PDE3B: variants seen among roughly 807,000 people sequenced by gnomAD.
PDE3B encodes phosphodiesterase 3B, also known as cGMP-inhibited 3',5'-cyclic phosphodiesterase 3B.
In PDE3B, 66 loss-of-function variants were observed where a neutral mutation model predicts 116.8. That is an observed-to-expected ratio of 0.56 (90% CI 0.46 to 0.69). PDE3B has a LOEUF of 0.69. Ranked by LOEUF, PDE3B falls within the 30% of genes least tolerant of loss-of-function variation. The pLI, the probability that PDE3B is intolerant of heterozygous loss-of-function variation, is 0.00. For synonymous variants in PDE3B, 595 were observed against 533.6 expected, an observed-to-expected ratio of 1.12 and a Z score of -1.59; for missense variants, 1,384 against 1,368.1, an observed-to-expected ratio of 1.01 and a Z score of -0.18.
intron 1 of PDE3B, among the ~76,000 whole-genome samples, chr11:14,695,516 ATTATT>A (rs1431269315): frequency 1.3e-5 from 2 of 152,036 alleles, no homozygotes; most frequent in African/African-American, 4.8e-5. Context: ...TTTTAAAATA[ATTATT>A]TTATTTTTTT....
At chr11:14,732,598 T>C (rs775286300) in intron 1 of PDE3B, among the ~76,000 whole-genome samples, 1 of 152,228 alleles carries the variant, frequency 6.6e-6, no homozygotes, top group Admixed American at 6.5e-5. Flanking sequence ...CTTACTAGGA[T>C]GGATCATCTG....
rs542319326 is a variant in PDE3B, at chr11:14,749,599, A to G, written c.979-22338A>G. Among the ~76,000 whole-genome samples, 432 of 151,940 alleles carry G rather than the reference A, an allele frequency of 2.8e-3. 3 individuals are homozygous for G. Among genetic ancestry groups the G allele is most frequent in the Non-Finnish European group, 4.4e-3 (301 of 67,966 alleles). ...CTTTTATGACTCCACAATCTCTCTT[A>G]CCATTCCTGAAGTTTCTTCTCTAAA... On this transcript the variant is annotated intron_variant, in intron 1 of 15. Coordinates refer to ENST00000282096, the MANE Select transcript of PDE3B (RefSeq NM_000922.4).
intron 1 of PDE3B, among the ~76,000 whole-genome samples, chr11:14,743,175 C>T (rs536023939): frequency 6.6e-6 from 1 of 152,276 alleles, no homozygotes; most frequent in African/African-American, 2.4e-5. Context: ...GCTGCCCCTT[C>T]CCCCAGGTGG....
At chr11:14,659,356 T>C (rs1485929751) in intron 1 of PDE3B, among the ~76,000 whole-genome samples, 5 of 152,216 alleles carry the variant, frequency 3.3e-5, no homozygotes, top group Non-Finnish European at 7.3e-5. Context: ...CAAGTGTTGA[T>C]AGAACATTTT....
chr11:14,875,273 A>G (rs1187083165), downstream of PDE3B, among the ~76,000 whole-genome samples: 2 of 152,102 alleles, frequency 1.3e-5, no homozygotes, highest in Non-Finnish European at 2.9e-5. Flanking sequence ...TCGTCTATGC[A>G]TGATTTTATT....
At chr11:14,665,233 G>A (rs1429735069) in intron 1 of PDE3B, among the ~76,000 whole-genome samples, 1 of 152,060 alleles carries the variant, frequency 6.6e-6, no homozygotes, top group African/African-American at 2.4e-5. Context: ...CATGCTAAAA[G>A]CTCTCAATAA....
chr11:14,760,143 C>A (rs1857315717), intron 1 of PDE3B, among the ~76,000 whole-genome samples: 1 of 152,082 alleles, frequency 6.6e-6, no homozygotes, highest in South Asian at 2.1e-4. Flanking sequence ...TAAGTCTGGG[C>A]AAGTTGCTTA....
At chr11:14,671,073 C>T (rs1409974326) in intron 1 of PDE3B, among the ~76,000 whole-genome samples, 1 of 152,004 alleles carries the variant, frequency 6.6e-6, no homozygotes, top group African/African-American at 2.4e-5. Context: ...GTGATTAGTA[C>T]AGTGAACAAG....
intron 10 of PDE3B, among the ~76,000 whole-genome samples, chr11:14,833,075 G>A (rs1049727583): frequency 2.6e-5 from 4 of 151,398 alleles, no homozygotes; most frequent in Admixed American, 2.0e-4. Context: ...CTTGGCCCTC[G>A]CAGGTAGCTG....
intron 7 of PDE3B, among the ~76,000 whole-genome samples, chr11:14,828,767 C>T (rs1002721461): frequency 6.6e-6 from 1 of 152,068 alleles, no homozygotes; most frequent in African/African-American, 2.4e-5. Flanking sequence ...CCTCAAAGAC[C>T]TAAAAATAGA....
rs1416703803 is a variant in PDE3B, at chr11:14,644,029, G to A, written c.-47G>A. 2.8e-6 allele frequency: 4 copies of A among 1,409,766 alleles called. No homozygotes were observed. The highest frequency in any genetic ancestry group is 3.7e-6 in the Non-Finnish European group (4 of 1,091,996). The allele number at this position is 1,409,766 out of a possible 1,614,324, so 87.3% of individuals were successfully genotyped here. A position where few individuals can be genotyped will look rare whatever the true frequency, so the allele number is the denominator to read the frequency against. Reference sequence around the variant, plus strand: ...TCTGGGAGCGCGAGCGGCCGCTACGGTACGAGCGGGGTGTGCTGAGTCCCG... The same window carrying A: ...TCTGGGAGCGCGAGCGGCCGCTACGATACGAGCGGGGTGTGCTGAGTCCCG... On this transcript the variant is annotated 5_prime_UTR_variant, in exon 1 of 16. Coordinates refer to ENST00000282096, the MANE Select transcript of PDE3B (RefSeq NM_000922.4).
intron 1 of PDE3B, among the ~76,000 whole-genome samples, chr11:14,722,416 A>T (rs565102217): frequency 1.3e-5 from 2 of 152,196 alleles, no homozygotes; most frequent in Non-Finnish European, 2.9e-5. Context: ...AATCCAATAA[A>T]AAAATAACAT....
chr11:14,647,056 T>C, intron 1 of PDE3B, among the ~76,000 whole-genome samples: 1 of 152,048 alleles, frequency 6.6e-6, no homozygotes. Context: ...CAAGAATGTT[T>C]ATTTATGCTT....
chr11:14,654,891 G>C (rs75576558), intron 1 of PDE3B, among the ~76,000 whole-genome samples: 2 of 150,814 alleles, frequency 1.3e-5, no homozygotes, highest in African/African-American at 4.9e-5. Context: ...AACAAATAGA[G>C]GTGACAAAAG....
chr11:14,736,824 AG>A (rs1180228113), intron 1 of PDE3B, among the ~76,000 whole-genome samples: 1 of 152,180 alleles, frequency 6.6e-6, no homozygotes, highest in African/African-American at 2.4e-5. Flanking sequence ...AAAAGATTAA[AG>A]GGGTGGGTTT....
chr11:14,808,321 G>A (rs893423643), intron 5 of PDE3B, among the ~76,000 whole-genome samples: 1 of 152,096 alleles, frequency 6.6e-6, no homozygotes. Context: ...GGTGTTGGAG[G>A]GATCTGATAT....
chr11:14,646,894 A>G (rs1853424004), intron 1 of PDE3B, among the ~76,000 whole-genome samples: 1 of 152,066 alleles, frequency 6.6e-6, no homozygotes, highest in Non-Finnish European at 1.5e-5. Context: ...CCTTATTCAC[A>G]TTCTACTTCT....
chr11:14,750,693 T>G (rs1857037681), intron 1 of PDE3B, among the ~76,000 whole-genome samples: 1 of 152,192 alleles, frequency 6.6e-6, no homozygotes, highest in South Asian at 2.1e-4. Flanking sequence ...AAAGGATCCA[T>G]AGGCTTTACT....
At chr11:14,848,580 C>T (rs1386563252) in intron 12 of PDE3B, among the ~76,000 whole-genome samples, 5 of 152,150 alleles carry the variant, frequency 3.3e-5, no homozygotes, top group African/African-American at 7.2e-5. Flanking sequence ...GATTGTATAT[C>T]TAGAAAACCC....
Sources: gnomAD v4.1 joint callset for allele counts (sites outside exome capture counted in the v4.1 genomes callset) on GRCh38, gnomAD v4.1.1 for gene constraint, MANE v1.5 for transcripts, NCBI Gene and HGNC (gene_info 2026-07-23, HGNC 2026-07-21) for gene names.